NCOA5: variants seen among roughly 807,000 people sequenced by gnomAD.
NCOA5 encodes nuclear receptor coactivator 5.
In NCOA5, 12 loss-of-function variants were observed where a neutral mutation model predicts 59.0. The ratio of observed to expected loss-of-function variants is 0.20; its 90% confidence interval spans 0.13 to 0.33. The LOEUF is 0.33. NCOA5 is among the 10% of genes least tolerant of loss of function. NCOA5 has a pLI of 1.00. For synonymous variants in NCOA5, 270 were observed against 275.5 expected (o/e 0.98, Z 0.20); for missense variants, 655 against 766.6 (o/e 0.85, Z 1.72).
At chr20:46,076,217 CCT>C (rs138397730) in intron 2 of NCOA5, among the ~76,000 whole-genome samples, 20,533 of 152,058 alleles carry the variant, frequency 0.14, 1,722 homozygotes, top group Non-Finnish European at 0.19. Context: ...TGATGCACCC[CCT>C]GTGGCTGGGG....
At chr20:46,067,715 G>A (rs929243709) in intron 4 of NCOA5, among the ~76,000 whole-genome samples, 1 of 151,946 alleles carries the variant, frequency 6.6e-6, no homozygotes, top group African/African-American at 2.4e-5. Flanking sequence ...GGCCAGGTAT[G>A]AAATAATTTA....
chr20:46,063,282 T>C, intron 7 of NCOA5, 78 bp downstream of exon 7: 4 of 1,479,948 alleles, frequency 2.7e-6, no homozygotes, highest in Non-Finnish European at 3.6e-6. Context: ...GCCCTGGGCC[T>C]GACACCCTCC....
intron 2 of NCOA5, among the ~76,000 whole-genome samples, chr20:46,073,515 C>T (rs2084906362): frequency 6.6e-6 from 1 of 152,204 alleles, no homozygotes; most frequent in Non-Finnish European, 1.5e-5. Context: ...TGGGCAAACA[C>T]TCAAGATCCA....
intron 1 of NCOA5, among the ~76,000 whole-genome samples, chr20:46,081,579 T>A (rs1397753419): frequency 6.6e-6 from 1 of 152,180 alleles, no homozygotes; most frequent in Non-Finnish European, 1.5e-5. Flanking sequence ...CTATTTTCAT[T>A]GGGTAGTCCA....
intron 2 of NCOA5, among the ~76,000 whole-genome samples, chr20:46,074,496 A>C (rs902800317): frequency 6.6e-6 from 1 of 152,230 alleles, no homozygotes; most frequent in Non-Finnish European, 1.5e-5. Flanking sequence ...TGGAGTCCAC[A>C]AACTGAAGGC....
At position 46,070,276 on chromosome 20, in the gene NCOA5, C is replaced by A; in HGVS notation, c.299G>T (p.Arg100Leu). Residue 100 changes from arginine to leucine, a missense_variant, in exon 3 of 8, where the codon CGA becomes CTA. By Grantham distance (102) the Arg-to-Leu change is moderately radical. Coordinates refer to ENST00000290231, the MANE Select transcript of NCOA5 (RefSeq NM_020967.3). ...GTCGTACATGGGGTCTCGCTGATCT[C>A]GAAAATCCCTAGAGTCTCTTAGATC... Reference protein sequence around the residue: ...FRDLRDSRDFRDQRDPMYDRY... With the variant: ...FRDLRDSRDFLDQRDPMYDRY... 6.2e-7 allele frequency: 1 copy of A among 1,613,986 alleles called. No individual in the cohort carries two copies. Among genetic ancestry groups the A allele is most frequent in the South Asian group, 1.1e-5 (1 of 91,070 alleles).
rs753370750 is a variant in NCOA5, at chr20:46,067,064, T to C, written c.620A>G (p.Lys207Arg). ...ATCTAAGGGTTCTTACTTTGTCTGTTTGTTGACCACAATCACAGAACAATC... is the reference window on the plus strand; with the variant it reads ...ATCTAAGGGTTCTTACTTTGTCTGTCTGTTGACCACAATCACAGAACAATC... ...PVDCSVIVVN[K>R]QTKDYAESVG... Residue 207 changes from lysine (K) to arginine (R), a missense_variant, in exon 5 of 8, where the codon AAA (lysine) becomes AGA (arginine). Physicochemically the swap from Lys to Arg is conservative, Grantham distance 26. Transcript: ENST00000290231. The C allele has an allele frequency of 1.9e-5, 31 of 1,613,548 alleles. No individual in the cohort carries two copies. Among genetic ancestry groups the C allele is most frequent in the Non-Finnish European group, 2.5e-5 (29 of 1,179,848 alleles).
chr20:46,063,368 G>T lies in NCOA5; in HGVS notation c.1142C>A (p.Ser381Tyr). The change falls in exon 7 of 8, where the codon TCT becomes TAT. Residue 381 changes from serine to tyrosine, a missense_variant. Coordinates refer to ENST00000290231, the MANE Select transcript of NCOA5 (RefSeq NM_020967.3). ...KERLMRSSTD[S>Y]LPGPISRQPL... ...CCTGCCACGTAGCTCACCAGGCAGA[G>T]AGTCGGTGCTGCTCCTCATCAGCCG... is the stretch of plus-strand genomic sequence containing the variant. 1 of 1,612,434 alleles carries T rather than the reference G, an allele frequency of 6.2e-7. No homozygotes were observed.
intron 1 of NCOA5, among the ~76,000 whole-genome samples, chr20:46,081,589 A>G (rs1600632236): frequency 6.6e-6 from 1 of 152,142 alleles, no homozygotes; most frequent in Non-Finnish European, 1.5e-5. Flanking sequence ...TGGGTAGTCC[A>G]AAGTATTTAT....
Position 46,070,335 on chromosome 20 carries a change from G to A in NCOA5, c.240C>T (p.Asp80=), listed in dbSNP as rs768459611. 7.4e-6 allele frequency: 12 copies of A among 1,613,364 alleles called. No homozygotes were observed. Among genetic ancestry groups the A allele is most frequent in the South Asian group, 4.4e-5 (4 of 91,040 alleles). The change falls in exon 3 of 8, where the codon GAC becomes GAT. Residue 80 remains aspartate (D), a synonymous_variant. Transcript: ENST00000290231. ...RDHRDSRSVR[D]VRDVRDLRDF... The stretch of plus-strand genomic sequence containing the variant: ...CTCTAAGATCCCTCACGTCCCGAAC[G>A]TCGCGCACACTCCTGCTGTCTCTGT...
rs1484040178 is a variant in NCOA5 at position 46,062,645 on chromosome 20, A to C, written c.1395T>G (p.Phe465Leu). 2 of 1,614,046 alleles carry C rather than the reference A, an allele frequency of 1.2e-6. No homozygotes were observed. Among genetic ancestry groups the C allele is most frequent in the African/African-American group, 2.7e-5 (2 of 74,894 alleles). Reference sequence around the variant, plus strand: ...GAGGCTGGCTGTTTGCTGCTGTGGAAAAATTCTGGTTTGGGGTGTTTCCGG... The same window carrying C: ...GAGGCTGGCTGTTTGCTGCTGTGGACAAATTCTGGTTTGGGGTGTTTCCGG... ...VAAGNTPNQN[F>L]STAANSQPQQ... Residue 465 changes from phenylalanine to leucine, a missense_variant, in exon 8 of 8, where the codon TTT (phenylalanine) becomes TTG (leucine). Coordinates refer to ENST00000290231, the MANE Select transcript of NCOA5 (RefSeq NM_020967.3).
At chr20:46,067,564 CT>C (rs774929598) in intron 4 of NCOA5, among the ~76,000 whole-genome samples, 8 of 142,464 alleles carry the variant, frequency 5.6e-5, no homozygotes, top group East Asian at 2.0e-4. Context: ...TGCATTTTTG[CT>C]TTTTTTTTGG....
At chr20:46,073,754 A>G (rs937247907) in intron 2 of NCOA5, among the ~76,000 whole-genome samples, 6 of 152,076 alleles carry the variant, frequency 3.9e-5, no homozygotes, top group African/African-American at 1.5e-4. Flanking sequence ...CCTTCGGAGT[A>G]TTATAAGTGT....
chr20:46,081,263 A>C (rs967350411), intron 1 of NCOA5, among the ~76,000 whole-genome samples: 6 of 152,122 alleles, frequency 3.9e-5, no homozygotes, highest in Admixed American at 1.3e-4. Context: ...TCAGGTTAAG[A>C]GTACAACACA....
intron 4 of NCOA5, 100 bp downstream of exon 4, chr20:46,068,402 C>A: frequency 7.6e-7 from 1 of 1,309,214 alleles, no homozygotes. Flanking sequence ...TTGGCCAAGG[C>A]ACTAGCCCTT....
At chr20:46,068,255 G>A (rs563877536) in intron 4 of NCOA5, among the ~76,000 whole-genome samples, 1 of 152,192 alleles carries the variant, frequency 6.6e-6, no homozygotes, top group South Asian at 2.1e-4. Flanking sequence ...TCTTATTGCT[G>A]GAATTTCATA....
chr20:46,079,717 C>G (rs1220731410), intron 1 of NCOA5, among the ~76,000 whole-genome samples: 1 of 152,194 alleles, frequency 6.6e-6, no homozygotes, highest in Admixed American at 6.5e-5. Context: ...AATGCTTTAA[C>G]ACGCTGCCAA....
chr20:46,082,219 G>A (rs2084999297), intron 1 of NCOA5, among the ~76,000 whole-genome samples: 1 of 152,090 alleles, frequency 6.6e-6, no homozygotes, highest in Non-Finnish European at 1.5e-5. Context: ...AAAGAATGGG[G>A]TGAAGAATTC....
chr20:46,087,720 C>T (rs1048305244), intron 1 of NCOA5, among the ~76,000 whole-genome samples: 1 of 152,192 alleles, frequency 6.6e-6, no homozygotes, highest in Non-Finnish European at 1.5e-5. Context: ...CCAGCCTGGG[C>T]AACAAGAGTG....
Sources: gnomAD v4.1 joint callset for allele counts (sites outside exome capture counted in the v4.1 genomes callset) on GRCh38, gnomAD v4.1.1 for gene constraint, MANE v1.5 for transcripts, NCBI Gene and HGNC (gene_info 2026-07-23, HGNC 2026-07-21) for gene names.